Variants in PRRX1 observed in about 807,000 individuals in gnomAD.
The protein encoded by PRRX1 is paired related homeobox 1, also known as paired mesoderm homeobox protein 1.
In PRRX1, 8 loss-of-function variants were observed where a neutral mutation model predicts 24.0. The observed-to-expected ratio is 0.33, with a 90% confidence interval of 0.20 to 0.60. The LOEUF (loss-of-function observed/expected upper bound fraction) is 0.60. Ranked by LOEUF, PRRX1 falls within the 20% of genes least tolerant of loss-of-function variation. The pLI is 0.82. For synonymous variants in PRRX1, 160 were observed against 131.7 expected, an observed-to-expected ratio of 1.22 and a Z score of -1.47; for missense variants, 281 against 322.4, an observed-to-expected ratio of 0.87 and a Z score of 0.98.
intron 1 of PRRX1, among the ~76,000 whole-genome samples, chr1:170,706,911 A>G (rs1654587654): frequency 6.6e-6 from 1 of 151,800 alleles, no homozygotes; most frequent in Non-Finnish European, 1.5e-5. Context: ...GGAGGATTGC[A>G]TGAGACCAGG....
chr1:170,727,485 G>A (rs1655293326), intron 3 of PRRX1: 1 of 152,156 alleles, frequency 6.6e-6, no homozygotes, highest in Non-Finnish European at 1.5e-5. Flanking sequence ...ATTGGTTTAA[G>A]GAGAGGTTTT....
chr1:170,689,831 TCTCTCTCC>T (rs1422382253), intron 1 of PRRX1, among the ~76,000 whole-genome samples: 2,478 of 65,510 alleles, frequency 0.038, 77 homozygotes, highest in Middle Eastern at 0.071. Flanking sequence ...TCTCTCTCTC[TCTCTCTCC>T]CTCTCTCTCT....
At chr1:170,664,658 G>A (rs564270507) in intron 1 of PRRX1, among the ~76,000 whole-genome samples, 199 bp downstream of exon 1, 3 of 152,344 alleles carry the variant, frequency 2.0e-5, no homozygotes, top group Admixed American at 2.0e-4. Flanking sequence ...CATAGCCAAG[G>A]AGGACGCTGG....
At chr1:170,665,419 C>T (rs1407499350) in intron 1 of PRRX1, among the ~76,000 whole-genome samples, 1 of 152,244 alleles carries the variant, frequency 6.6e-6, no homozygotes, top group Non-Finnish European at 1.5e-5. Context: ...TCACCCTGTT[C>T]ATCCCAGGTG....
At chr1:170,677,360 T>C (rs1475717023) in intron 1 of PRRX1, among the ~76,000 whole-genome samples, 1 of 152,244 alleles carries the variant, frequency 6.6e-6, no homozygotes, top group South Asian at 2.1e-4. Context: ...CTCAAATAAA[T>C]GCTTTATTAT....
At chr1:170,686,478 G>A (rs1226411033) in intron 1 of PRRX1, among the ~76,000 whole-genome samples, 1 of 151,528 alleles carries the variant, frequency 6.6e-6, no homozygotes. Flanking sequence ...TAGAGCCTTG[G>A]GGAGTGGGTC....
chr1:170,706,884 T>A (rs545262730), intron 1 of PRRX1, among the ~76,000 whole-genome samples: 38 of 152,060 alleles, frequency 2.5e-4, no homozygotes, highest in African/African-American at 8.9e-4. Flanking sequence ...ATCTCAACAC[T>A]TTGGGAGGCT....
At chr1:170,716,960 C>G (rs1331567700) in intron 1 of PRRX1, among the ~76,000 whole-genome samples, 1 of 152,226 alleles carries the variant, frequency 6.6e-6, no homozygotes, top group Non-Finnish European at 1.5e-5. Context: ...AAACAGGGAG[C>G]TCACATTTTG....
chr1:170,736,487 C>T lies in PRRX1; in HGVS notation c.*301C>T. 1 of 415,822 alleles carries T rather than the reference C, an allele frequency of 2.4e-6. No homozygotes were observed. The highest frequency in any genetic ancestry group is 4.2e-5 in the East Asian group (1 of 23,852). The allele number at this position is 415,822 out of a possible 1,614,324, so 25.8% of individuals were successfully genotyped here. A position where few individuals can be genotyped will look rare whatever the true frequency, so the allele number is the denominator to read the frequency against. ...TCCAGGCTTCTTCAGCTAGGTTCAG[C>T]CCACCCACCCCCATGATTGTATGAA... On this transcript the variant is annotated 3_prime_UTR_variant, in exon 4 of 4. Transcript: ENST00000239461.
At chr1:170,670,390 C>T (rs1571311903) in intron 1 of PRRX1, among the ~76,000 whole-genome samples, 1 of 152,302 alleles carries the variant, frequency 6.6e-6, no homozygotes, top group Non-Finnish European at 1.5e-5. Context: ...TGTCAGCAAA[C>T]GGCTGCCATG....
At chr1:170,731,292 C>G (rs772778669) in intron 3 of PRRX1, among the ~76,000 whole-genome samples, 31 of 152,016 alleles carry the variant, frequency 2.0e-4, no homozygotes, top group Non-Finnish European at 3.2e-4. Context: ...GTCTTGAACA[C>G]CGTAACCCCT....
At chr1:170,698,820 G>A (rs1478388866) in intron 1 of PRRX1, among the ~76,000 whole-genome samples, 1 of 152,142 alleles carries the variant, frequency 6.6e-6, no homozygotes, top group Non-Finnish European at 1.5e-5. Context: ...ACGAGGGCTG[G>A]AGATAGGAGA....
At chr1:170,704,206 A>G (rs1341118073) in intron 1 of PRRX1, among the ~76,000 whole-genome samples, 1 of 152,236 alleles carries the variant, frequency 6.6e-6, no homozygotes, top group East Asian at 1.9e-4. Context: ...TAGAATATAA[A>G]TGAAATAACA....
At chr1:170,708,339 A>G (rs1418407597) in intron 1 of PRRX1, among the ~76,000 whole-genome samples, 1 of 151,830 alleles carries the variant, frequency 6.6e-6, no homozygotes, top group Non-Finnish European at 1.5e-5. Context: ...TTTTTCTCAT[A>G]TGACCTTAGT....
intron 1 of PRRX1, among the ~76,000 whole-genome samples, chr1:170,705,931 C>CAT (rs1295739599): frequency 6.6e-5 from 7 of 106,296 alleles, no homozygotes; most frequent in Non-Finnish European, 7.4e-5. Flanking sequence ...CACACACACA[C>CAT]ACATACACAC....
chr1:170,696,095 A>T (rs145563129), intron 1 of PRRX1, among the ~76,000 whole-genome samples: 1 of 152,280 alleles, frequency 6.6e-6, no homozygotes, highest in East Asian at 1.9e-4. Flanking sequence ...CATGTGCCTC[A>T]CACCTGCACT....
chr1:170,702,137 A>G (rs1438741579), intron 1 of PRRX1, among the ~76,000 whole-genome samples: 1 of 152,128 alleles, frequency 6.6e-6, no homozygotes, highest in Non-Finnish European at 1.5e-5. Flanking sequence ...TAGGGTTTCT[A>G]CTCGTATAAG....
At chr1:170,712,765 T>C (rs900261366) in intron 1 of PRRX1, among the ~76,000 whole-genome samples, 2 of 152,220 alleles carry the variant, frequency 1.3e-5, no homozygotes, top group Admixed American at 1.3e-4. Flanking sequence ...GCCACACAGC[T>C]AGTCAGTGGC....
intron 1 of PRRX1, chr1:170,667,310 G>GCACACACACA (rs35009775): frequency 0.04 from 5,941 of 149,938 alleles, 125 homozygotes; most frequent in Non-Finnish European, 0.046. Context: ...GCGCGCGCGC[G>GCACACACACA]CACACACACA....
Sources: gnomAD v4.1 joint callset for allele counts (sites outside exome capture counted in the v4.1 genomes callset) on GRCh38, gnomAD v4.1.1 for gene constraint, MANE v1.5 for transcripts, NCBI Gene and HGNC (gene_info 2026-07-23, HGNC 2026-07-21) for gene names.